The following F13B variants were observed in gnomAD, a reference collection of about 807,000 sequenced individuals.
F13B encodes TGase.
A neutral mutation model predicts 79.8 loss-of-function variants in F13B; 58 were observed. The ratio of observed to expected loss-of-function variants is 0.73; its 90% CI spans 0.59 to 0.90. The LOEUF (loss-of-function observed/expected upper bound fraction) is 0.90. F13B is among the 40% of genes least tolerant of loss of function. F13B has a pLI of 0.00. For synonymous variants in F13B, 283 were observed against 260.3 expected (o/e 1.09, Z -0.84); for missense variants, 773 against 777.0 (o/e 0.99, Z 0.06).
intron 9 of F13B, among the ~76,000 whole-genome samples, chr1:197,051,312 G>A (rs746497051): frequency 7.9e-5 from 12 of 152,178 alleles, no homozygotes; most frequent in East Asian, 1.9e-4. Context: ...AGAATCCCAC[G>A]TTATAGTGTT....
chr1:197,063,044 A>C lies in F13B; in HGVS notation c.78T>G (p.Gly26=). The change falls in exon 2 of 12, where the codon GGT becomes GGG. Residue 26 remains glycine, a synonymous_variant. Coordinates refer to ENST00000367412, the MANE Select transcript of F13B (RefSeq NM_001994.3). ...GELYAEEKPC[G]FPHVENGRIA... is the part of the protein sequence containing the mutation. ...TTCTTCCATTTTCCACATGAGGAAAACCACAGGGTTTCTCTGAAATGAGTA... is the reference window on the plus strand; with the variant it reads ...TTCTTCCATTTTCCACATGAGGAAACCCACAGGGTTTCTCTGAAATGAGTA... 1 of 1,611,616 alleles carries C rather than the reference A, an allele frequency of 6.2e-7. No homozygotes were observed. The highest frequency in any genetic ancestry group is 8.5e-7 in the Non-Finnish European group (1 of 1,179,204).
chr1:197,059,876 T>C lies in F13B; in HGVS notation c.805+490A>G, dbSNP rs574557270. Among the ~76,000 whole-genome samples, 4 of 152,262 alleles carry C rather than the reference T, an allele frequency of 2.6e-5. No homozygotes were observed. In the South Asian group the frequency reaches 6.2e-4, roughly 24 times the overall value. ...AGTAATAGAAATGTGACCATAGATA[T>C]TACATTTTTGGGCAGCTTTTACAAG... is the stretch of plus-strand genomic sequence containing the variant. On this transcript the variant is annotated intron_variant, in intron 5 of 11. Coordinates refer to ENST00000367412, the MANE Select transcript of F13B (RefSeq NM_001994.3).
rs184461559 is a variant in F13B at position 197,062,816 on chromosome 1, T to C, written c.265+41A>G. 144 of 1,592,468 alleles carry C rather than the reference T, an allele frequency of 9.0e-5. No individual in the cohort carries two copies. The Admixed American group carries it at 1.0e-3, about 11-fold the overall frequency. Reference sequence around the variant, plus strand: ...CCCCTATTTTTATATACAAATTTCTTTGAGTATTGAAACATTGAGTGACAT... The same window carrying C: ...CCCCTATTTTTATATACAAATTTCTCTGAGTATTGAAACATTGAGTGACAT... On this transcript the variant is annotated intron_variant, in intron 2 of 11. Coordinates refer to ENST00000367412, the MANE Select transcript of F13B (RefSeq NM_001994.3).
At chr1:197,042,834 T>C (rs1386390553) in intron 10 of F13B, among the ~76,000 whole-genome samples, 2 of 149,154 alleles carry the variant, frequency 1.3e-5, no homozygotes, top group Admixed American at 6.8e-5. Context: ...AAAAAAAAAT[T>C]CTATGTGCCA....
In F13B at chr1:197,040,490, A is replaced by C. The variant is rs369324380; in HGVS notation, c.1952+32T>G. On this transcript the variant is annotated intron_variant, in intron 11 of 11. Transcript: ENST00000367412. ...GTTGAATAACAATCTGACCAAAAAA[A>C]ATAATCTGACCAAAAAAAAAAAACT... 19 of 1,522,582 alleles carry C rather than the reference A, an allele frequency of 1.2e-5. No homozygotes were observed. The East Asian group carries it at 1.8e-4, about 14-fold the overall frequency. 94.3% of individuals were successfully genotyped at this position (1,522,582 alleles called of 1,614,324 possible). A position where few individuals can be genotyped will look rare whatever the true frequency, so the allele number is the denominator to read the frequency against.
chr1:197,066,482 C>T (rs1390413905), intron 1 of F13B, among the ~76,000 whole-genome samples: 3 of 152,114 alleles, frequency 2.0e-5, no homozygotes, highest in African/African-American at 7.2e-5. Flanking sequence ...GCACACTAAT[C>T]TTACACATTG....
intron 1 of F13B, among the ~76,000 whole-genome samples, chr1:197,064,861 A>G (rs1655993716): frequency 6.6e-6 from 1 of 152,188 alleles, no homozygotes; most frequent in Non-Finnish European, 1.5e-5. Context: ...GCAGTCATGG[A>G]TGGAAGAAGG....
intron 5 of F13B, among the ~76,000 whole-genome samples, chr1:197,059,551 A>G (rs564781089): frequency 2.0e-5 from 3 of 152,238 alleles, no homozygotes; most frequent in African/African-American, 7.2e-5. Context: ...GCCTCACCCT[A>G]TCCTCCCAAT....
At chr1:197,059,020 C>T (rs536973499) in intron 5 of F13B, among the ~76,000 whole-genome samples, 1 of 152,052 alleles carries the variant, frequency 6.6e-6, no homozygotes, top group Non-Finnish European at 1.5e-5. Context: ...TCAAGACCAG[C>T]CTGACCAACG....
rs1432290271 is a variant in F13B, at chr1:197,040,513, A to C, written c.1952+9T>G. ...AAAATAATCTGACCAAAAAAAAAAA[A>C]CTTCTTACCTTTGTCTTGGAATACA... On this transcript the variant is annotated intron_variant, in intron 11 of 11. Coordinates refer to ENST00000367412, the MANE Select transcript of F13B (RefSeq NM_001994.3). 6.2e-7 allele frequency: 1 copy of C among 1,604,304 alleles called. No homozygotes were observed. The highest frequency in any genetic ancestry group is 8.5e-7 in the Non-Finnish European group (1 of 1,173,566).
intron 1 of F13B, among the ~76,000 whole-genome samples, chr1:197,066,897 T>G (rs1214433160): frequency 6.6e-6 from 1 of 152,152 alleles, no homozygotes; most frequent in Non-Finnish European, 1.5e-5. Flanking sequence ...CTTTTCGAAG[T>G]ATTTAGATCC....
Position 197,057,437 on chromosome 1 carries a change from A to G in F13B, c.834T>C (p.Pro278=), listed in dbSNP as rs1274389206. The G allele has an allele frequency of 6.2e-7, 1 of 1,613,898 alleles. No individual in the cohort carries two copies. The highest frequency in any genetic ancestry group is 2.2e-5 in the East Asian group (1 of 44,862). The part of the protein sequence containing the change: ...EGRRNRCPPP[P]LPINSKIQTH... ...TTTGAATTTTGGAGTTTATGGGCAG[A>G]GGTGGAGGAGGACATCTGTTTCTTC... Residue 278 remains proline (P), a synonymous_variant, in exon 6 of 12, where the codon CCT becomes CCC. Transcript: ENST00000367412.
chr1:197,058,438 A>G (rs1054751219), intron 5 of F13B, among the ~76,000 whole-genome samples: 2 of 152,186 alleles, frequency 1.3e-5, no homozygotes, highest in African/African-American at 4.8e-5. Context: ...TCACTGGACT[A>G]AAATCGAGAT....
At chr1:197,047,648 C>T (rs900669789) in intron 10 of F13B, among the ~76,000 whole-genome samples, 1 of 152,124 alleles carries the variant, frequency 6.6e-6, no homozygotes, top group Non-Finnish European at 1.5e-5. Flanking sequence ...TGGGTATATA[C>T]CCAAAGGATT....
At chr1:197,043,102 T>C (rs1280670917) in intron 10 of F13B, among the ~76,000 whole-genome samples, 1 of 152,072 alleles carries the variant, frequency 6.6e-6, no homozygotes, top group Non-Finnish European at 1.5e-5. Context: ...TTGACTTGTA[T>C]AGAGGCATAG....
At chr1:197,057,489 C>T (rs1463951864) in intron 5 of F13B, 24 bp from the exon 6 acceptor site, 4 of 1,608,900 alleles carry the variant, frequency 2.5e-6, no homozygotes, top group Non-Finnish European at 2.6e-6. Context: ...TTAATCAGCA[C>T]CTTTAGTCAT....
At chr1:197,056,880 G>T (rs1032525586) in intron 7 of F13B, 133 bp downstream of exon 7, 3 of 793,864 alleles carry the variant, frequency 3.8e-6, no homozygotes, top group Non-Finnish European at 4.2e-6. Context: ...AAGCAGAAGA[G>T]TAGGTGCTGT....
intron 4 of F13B, 58 bp downstream of exon 4, chr1:197,060,841 T>G (rs1655827492): frequency 6.7e-7 from 1 of 1,491,224 alleles, no homozygotes; most frequent in Non-Finnish European, 9.4e-7. Flanking sequence ...TATATACACT[T>G]CTCTATGAGA....
chr1:197,064,835 G>T (rs766641073), intron 1 of F13B, among the ~76,000 whole-genome samples: 13 of 152,168 alleles, frequency 8.5e-5, no homozygotes, highest in Non-Finnish European at 1.6e-4. Flanking sequence ...AGGAGCTGTG[G>T]TGGGAAGAAA....
Sources: allele counts gnomAD v4.1 joint callset (sites outside exome capture counted in the v4.1 genomes callset), GRCh38; gene constraint gnomAD v4.1.1; transcripts MANE v1.5; gene names NCBI Gene and HGNC (gene_info 2026-07-23, HGNC 2026-07-21).